The following ARHGEF10L variants were observed in gnomAD, a reference collection of about 807,000 sequenced individuals.
The protein encoded by ARHGEF10L is rho guanine nucleotide exchange factor 10-like protein.
A neutral mutation model predicts 141.2 loss-of-function variants in ARHGEF10L; 69 were observed. The observed-to-expected ratio is 0.49, with a 90% CI of 0.40 to 0.60. The LOEUF is 0.60. Among genes scored for constraint, ARHGEF10L ranks in the 20% least tolerant of loss-of-function variants. The probability of loss-of-function intolerance (pLI) is 0.00; values close to 1 mark genes in which losing one functional copy is unlikely to be tolerated. For missense variants in ARHGEF10L, 1,482 were observed against 1,734.3 expected (o/e 0.85, Z 2.58); for synonymous variants, 711 against 718.5 (o/e 0.99, Z 0.17).
intron 22 of ARHGEF10L, 101 bp downstream of exon 22, chr1:17,648,776 G>T: frequency 2.0e-6 from 3 of 1,475,142 alleles, no homozygotes; most frequent in Non-Finnish European, 1.8e-6. Context: ...AGCAGGGAAG[G>T]CTCAGGTTCC....
In ARHGEF10L at chr1:17,603,743, A is replaced by G; in HGVS notation, c.433+152A>G. 1.4e-6 allele frequency: 1 copy of G among 735,834 alleles called. No homozygotes were observed. Among genetic ancestry groups the G allele is most frequent in the Non-Finnish European group, 2.1e-6 (1 of 486,536 alleles). The allele number at this position is 735,834 out of a possible 1,614,324, so 45.6% of individuals were successfully genotyped here. On this transcript the variant is annotated intron_variant, in intron 6 of 28. Transcript: ENST00000361221. This position sits in a 1 kb window ranked among gnomAD's most constrained non-coding sequence, Gnocchi z 4.8. ...AGAAACAACTGTAGTCATCGGGGAG[A>G]ATCTGGAGATGGCTGAGGGCGTGGC...
At chr1:17,554,275 T>C (rs780853364) in intron 1 of ARHGEF10L, among the ~76,000 whole-genome samples, 2 of 152,142 alleles carry the variant, frequency 1.3e-5, no homozygotes, top group South Asian at 2.1e-4. Flanking sequence ...TAGCCCACCA[T>C]TGGCCAGAGC....
Position 17,632,605 on chromosome 1 carries a change from C to T in ARHGEF10L, c.1730+139C>T. 2.6e-6 allele frequency: 3 copies of T among 1,141,802 alleles called. No individual in the cohort carries two copies. The South Asian group carries it at 4.2e-5, about 16-fold the overall frequency. The allele number at this position is 1,141,802 out of a possible 1,614,324, so 70.7% of individuals were successfully genotyped here. On this transcript the variant is annotated intron_variant, in intron 16 of 28. Coordinates refer to ENST00000361221, the MANE Select transcript of ARHGEF10L (RefSeq NM_018125.4). ...AGGCTTCCAATATTCCTCTCCCATC[C>T]CTCTTGCCCTGCTCTGCCACTGGTC...
At chr1:17,530,249 C>G in the ARHGEF10L span, among the ~76,000 whole-genome samples, 1 of 152,144 alleles carries the variant, frequency 6.6e-6, no homozygotes, top group Non-Finnish European at 1.5e-5. Flanking sequence ...TTTGGTCTAA[C>G]TATCATGCTG....
In ARHGEF10L at chr1:17,624,417, A is replaced by G. The variant is rs752515505; in HGVS notation, c.1231A>G (p.Ser411Gly). The change falls in exon 13 of 29, where the codon AGT becomes GGT. Residue 411 changes from serine to glycine, a missense_variant. Transcript: ENST00000361221. The part of the protein sequence containing the change: ...FSKSMVLDVY[S>G]DYVNNFTSAM... ...CAAGTCCATGGTGCTAGATGTGTAC[A>G]GTGACTACGTGAACAACTTCACCAG... 1.9e-6 allele frequency: 3 copies of G among 1,614,180 alleles called. No individual in the cohort carries two copies. In the South Asian group the frequency reaches 3.3e-5, roughly 18 times the overall value.
Position 17,657,539 on chromosome 1 carries a change from C to T in ARHGEF10L, c.2860+831C>T, listed in dbSNP as rs77373187. 1.9e-4 allele frequency among the ~76,000 whole-genome samples: 29 copies of T among 152,250 alleles called. 1 individual carries two copies. The East Asian group carries it at 4.6e-3, about 24-fold the overall frequency. On this transcript the variant is annotated intron_variant, in intron 25 of 28. Coordinates refer to ENST00000361221, the MANE Select transcript of ARHGEF10L (RefSeq NM_018125.4). ...AGCGTCTCTTCTCCCCTGCCTTTTCCGCCAGCCAGGCTGTGATTGCCGCGT... is the reference window on the plus strand; with the variant it reads ...AGCGTCTCTTCTCCCCTGCCTTTTCTGCCAGCCAGGCTGTGATTGCCGCGT...
Position 17,603,346 on chromosome 1 carries a change from G to A in ARHGEF10L, c.350-162G>A, listed in dbSNP as rs1035013684. 6.6e-6 allele frequency among the ~76,000 whole-genome samples: 1 copy of A among 151,854 alleles called. No homozygotes were observed. Among genetic ancestry groups the A allele is most frequent in the African/African-American group, 2.4e-5 (1 of 41,358 alleles). ...GGGGCGGGGAGAAGCGAGGGAGCCG[G>A]CATCCCCTGAGGGCAGCTGGCGGAG... On this transcript the variant is annotated intron_variant, in intron 5 of 28. Coordinates refer to ENST00000361221, the MANE Select transcript of ARHGEF10L (RefSeq NM_018125.4). The surrounding 1 kb of genome is among the most constrained non-coding windows in gnomAD (Gnocchi z 4.8).
At chr1:17,529,460 T>C in the ARHGEF10L span, among the ~76,000 whole-genome samples, 1 of 152,228 alleles carries the variant, frequency 6.6e-6, no homozygotes, top group African/African-American at 2.4e-5. Flanking sequence ...TGGGGAGGGC[T>C]ATGAGCAAAT....
the ARHGEF10L span, among the ~76,000 whole-genome samples, chr1:17,528,859 C>G: frequency 1.3e-5 from 2 of 152,166 alleles, no homozygotes; most frequent in African/African-American, 4.8e-5. Context: ...GTACTTACTT[C>G]ATGGGATTAT....
chr1:17,664,725 C>T (rs1052165176), intron 26 of ARHGEF10L, 130 bp downstream of exon 26: 36 of 1,244,010 alleles, frequency 2.9e-5, no homozygotes, highest in East Asian at 1.1e-4. Context: ...AGAGTTTGTC[C>T]GGAAGCAGAG....
chr1:17,517,050 A>G, the ARHGEF10L span, among the ~76,000 whole-genome samples: 299 of 152,324 alleles, frequency 2.0e-3, no homozygotes, highest in African/African-American at 7.0e-3. Flanking sequence ...AAAGGTCGGC[A>G]GCCTCCCAGG....
At chr1:17,655,471 CCA>C (rs879614680) in intron 23 of ARHGEF10L, among the ~76,000 whole-genome samples, 1,493 of 119,498 alleles carry the variant, frequency 0.012, 39 homozygotes, top group Admixed American at 0.074. Context: ...ATCCATCCAT[CCA>C]TCCATCTATC....
chr1:17,685,440 C>T (rs1308756031), intron 26 of ARHGEF10L, among the ~76,000 whole-genome samples: 1 of 152,196 alleles, frequency 6.6e-6, no homozygotes, highest in African/African-American at 2.4e-5. Context: ...AATGCTCTTC[C>T]CCCTCCTCCC....
chr1:17,648,449 G>C, intron 21 of ARHGEF10L, 105 bp from the exon 22 acceptor site: 1 of 1,441,704 alleles, frequency 6.9e-7, no homozygotes, highest in East Asian at 2.4e-5. Flanking sequence ...ATGGGGCCAG[G>C]CTTCTGGGGC....
chr1:17,599,769 G>A (rs901750552), intron 4 of ARHGEF10L, among the ~76,000 whole-genome samples: 3 of 152,214 alleles, frequency 2.0e-5, no homozygotes, highest in African/African-American at 7.2e-5. Context: ...TTGACTTCTG[G>A]CAGTGAAATG....
At chr1:17,605,645 T>C (rs1178907448) in intron 6 of ARHGEF10L, among the ~76,000 whole-genome samples, 2 of 152,150 alleles carry the variant, frequency 1.3e-5, no homozygotes, top group Admixed American at 6.5e-5. Flanking sequence ...ATCTGTCTAA[T>C]AGGAGGAGTG....
At chr1:17,536,038 G>A (rs1322447075), upstream of ARHGEF10L, among the ~76,000 whole-genome samples, 1 of 152,220 alleles carries the variant, frequency 6.6e-6, no homozygotes, top group Non-Finnish European at 1.5e-5. Flanking sequence ...TCCTTGGAAG[G>A]AGCTCCCTGA....
chr1:17,689,686 A>G, intron 27 of ARHGEF10L: 1 of 429,454 alleles, frequency 2.3e-6, no homozygotes, highest in Non-Finnish European at 4.6e-6. Context: ...CATTTTAACT[A>G]CGATAAAAAT....
At chr1:17,578,802 G>T (rs1032206582) in intron 1 of ARHGEF10L, among the ~76,000 whole-genome samples, 8 of 152,198 alleles carry the variant, frequency 5.3e-5, no homozygotes, top group Non-Finnish European at 1.0e-4. Context: ...CTATGTATTA[G>T]TACTATTCTG....
Sources: allele counts gnomAD v4.1 joint callset (sites outside exome capture counted in the v4.1 genomes callset), GRCh38; gene constraint gnomAD v4.1.1; non-coding constraint Gnocchi (gnomAD v3.1); transcripts MANE v1.5; gene names NCBI Gene and HGNC (gene_info 2026-07-23, HGNC 2026-07-21).